The following TSPAN11 variants were observed in gnomAD, a reference collection of about 807,000 sequenced individuals.
TSPAN11 encodes the protein tetraspanin-11.
TSPAN11 carries 29 observed loss-of-function variants against 32.9 expected under a neutral mutation model. The ratio of observed to expected loss-of-function variants is 0.88; its 90% CI spans 0.66 to 1.20. The LOEUF is 1.20. Ranked by LOEUF, TSPAN11 falls within the 50% of genes most tolerant of loss-of-function variation. The pLI is 0.00. For synonymous variants in TSPAN11, 140 were observed against 141.3 expected, an observed-to-expected ratio of 0.99 and a Z score of 0.07; for missense variants, 283 against 329.1, an observed-to-expected ratio of 0.86 and a Z score of 1.08.
At chr12:31,002,276 T>A in the TSPAN11 span, among the ~76,000 whole-genome samples, 1 of 152,038 alleles carries the variant, frequency 6.6e-6, no homozygotes, top group Non-Finnish European at 1.5e-5. The surrounding 1 kb of genome is among the most constrained non-coding windows in gnomAD (Gnocchi z 4.8). Context: ...GCCACCCCCT[T>A]GAGGACAGGA....
At chr12:30,939,417 C>T (rs1218962107) in intron 1 of TSPAN11, among the ~76,000 whole-genome samples, 1 of 152,086 alleles carries the variant, frequency 6.6e-6, no homozygotes, top group East Asian at 1.9e-4. Context: ...TTCTCAAGGC[C>T]ATAAAACACC....
chr12:30,975,227 G>A lies in TSPAN11; in HGVS notation c.277-3334G>A, dbSNP rs149863492. On this transcript the variant is annotated intron_variant, in intron 3 of 7. Transcript: ENST00000546076. This position sits in a 1 kb window ranked among gnomAD's most constrained non-coding sequence, Gnocchi z 4.5. ...GCAGGGTGGAGGGGCAGAGGTGACA[G>A]GTCTGTCAGAGCCCATGACCTCACC... Among the ~76,000 whole-genome samples the A allele has an allele frequency of 3.7e-4, 56 of 152,292 alleles. No individual in the cohort carries two copies. The highest frequency in any genetic ancestry group is 7.5e-4 in the Non-Finnish European group (51 of 68,004).
intron 7 of TSPAN11, among the ~76,000 whole-genome samples, chr12:30,988,305 T>A (rs544292331): frequency 6.6e-6 from 1 of 152,130 alleles, no homozygotes; most frequent in African/African-American, 2.4e-5. Context: ...TTAAATACCA[T>A]TGTGGCCAGG....
At position 30,992,270 on chromosome 12, in the gene TSPAN11, G is replaced by A. The variant is rs116442943; in HGVS notation, c.*355G>A. On this transcript the variant is annotated 3_prime_UTR_variant, in exon 8 of 8. Coordinates refer to ENST00000546076, the MANE Select transcript of TSPAN11 (RefSeq NM_001370302.1). ...CCCAGCTCCTGAACCTGGAACAATCGGCAGAAAACCCAGGAACCCCGGCAC... is the reference window on the plus strand; with the variant it reads ...CCCAGCTCCTGAACCTGGAACAATCAGCAGAAAACCCAGGAACCCCGGCAC... The A allele has an allele frequency of 4.2e-5, 14 of 335,612 alleles. No individual in the cohort carries two copies. The highest frequency in any genetic ancestry group is 5.6e-5 in the Non-Finnish European group (10 of 177,578). 20.8% of individuals were successfully genotyped at this position (335,612 alleles called of 1,614,324 possible). A position where few individuals can be genotyped will look rare whatever the true frequency, so the allele number is the denominator to read the frequency against.
chr12:30,980,661 A>G (rs2140304939), intron 5 of TSPAN11, among the ~76,000 whole-genome samples: 1 of 152,170 alleles, frequency 6.6e-6, no homozygotes, highest in Non-Finnish European at 1.5e-5. Flanking sequence ...ATCAACTGGA[A>G]GGCCCCTCCC....
At chr12:30,938,287 A>G (rs1390489916) in intron 1 of TSPAN11, among the ~76,000 whole-genome samples, 1 of 152,186 alleles carries the variant, frequency 6.6e-6, no homozygotes, top group African/African-American at 2.4e-5. Flanking sequence ...CAGCCCCCCA[A>G]ATGTCTGTCC....
intron 1 of TSPAN11, among the ~76,000 whole-genome samples, chr12:30,933,153 C>A (rs1937968035): frequency 6.6e-6 from 1 of 152,168 alleles, no homozygotes. Context: ...AGCTGCACAT[C>A]CAACCAACAC....
In TSPAN11 at chr12:30,926,806, G is replaced by A; in HGVS notation, c.-12+10G>A. 1.9e-6 allele frequency: 1 copy of A among 515,050 alleles called. No homozygotes were observed. The highest frequency in any genetic ancestry group is 7.4e-4 in the Middle Eastern group (1 of 1,344). 31.9% of individuals were successfully genotyped at this position (515,050 alleles called of 1,614,324 possible). ...CGGAGCCCCTGGCAGGGTAAGTGCAGAAGCGCGCCCGAGGAGTGGGGGCGC... is the reference window on the plus strand; with the variant it reads ...CGGAGCCCCTGGCAGGGTAAGTGCAAAAGCGCGCCCGAGGAGTGGGGGCGC... On this transcript the variant is annotated intron_variant, in intron 1 of 7. Transcript: ENST00000546076.
Position 30,989,307 on chromosome 12 carries a change from T to C in TSPAN11, c.703-2549T>C, listed in dbSNP as rs192581436. Among the ~76,000 whole-genome samples, 399 of 152,216 alleles carry C rather than the reference T, an allele frequency of 2.6e-3. 4 individuals are homozygous for C. Among genetic ancestry groups the C allele is most frequent in the African/African-American group, 9.0e-3 (375 of 41,516 alleles). ...GCTTCCTGGAGGAAGTGATATCTCA[T>C]TAAGTCCTGAAGGAGCCCGATAGGC... On this transcript the variant is annotated intron_variant, in intron 7 of 7. Coordinates refer to ENST00000546076, the MANE Select transcript of TSPAN11 (RefSeq NM_001370302.1).
chr12:30,974,031 A>T (rs1051225239), intron 3 of TSPAN11, among the ~76,000 whole-genome samples: 16 of 152,076 alleles, frequency 1.1e-4, no homozygotes, highest in Non-Finnish European at 1.9e-4. Flanking sequence ...TCCCATGGGG[A>T]TGTGAGCTGA....
At chr12:30,939,404 G>C (rs1226725262) in intron 1 of TSPAN11, among the ~76,000 whole-genome samples, 1 of 152,084 alleles carries the variant, frequency 6.6e-6, no homozygotes, top group Non-Finnish European at 1.5e-5. Context: ...GGCCAGAGGT[G>C]GTTTCTCAAG....
intron 1 of TSPAN11, among the ~76,000 whole-genome samples, chr12:30,932,383 C>T (rs552162912): frequency 1.3e-5 from 2 of 152,128 alleles, no homozygotes. Flanking sequence ...TACACAATTC[C>T]GATTTCATAG....
intron 3 of TSPAN11, among the ~76,000 whole-genome samples, chr12:30,971,718 C>T (rs1381524955): frequency 6.6e-6 from 1 of 151,684 alleles, no homozygotes; most frequent in East Asian, 1.9e-4. Context: ...CCACTGTACT[C>T]CAGCCAGGGT....
chr12:30,941,308 ATAT>A (rs1938159045), intron 1 of TSPAN11, among the ~76,000 whole-genome samples: 1 of 152,232 alleles, frequency 6.6e-6, no homozygotes, highest in African/African-American at 2.4e-5. Flanking sequence ...AATCCCCCGC[ATAT>A]ACTGTGGGAC....
intron 1 of TSPAN11, among the ~76,000 whole-genome samples, chr12:30,952,872 C>G (rs111785942): frequency 6.6e-6 from 1 of 152,168 alleles, no homozygotes; most frequent in African/African-American, 2.4e-5. Flanking sequence ...AAAAGAGGTT[C>G]CCAAAATGGG....
At chr12:30,955,508 G>A (rs761200096) in intron 2 of TSPAN11, among the ~76,000 whole-genome samples, 5 of 152,052 alleles carry the variant, frequency 3.3e-5, no homozygotes, top group African/African-American at 4.8e-5. Flanking sequence ...AAAAAGTATC[G>A]TAAAATAAAA....
chr12:30,946,626 G>A (rs1938273790), intron 1 of TSPAN11, among the ~76,000 whole-genome samples: 1 of 152,202 alleles, frequency 6.6e-6, no homozygotes, highest in South Asian at 2.1e-4. Flanking sequence ...TGGGGATCTG[G>A]GAAGGTGGGG....
intron 7 of TSPAN11, among the ~76,000 whole-genome samples, chr12:30,984,467 G>A (rs527834369): frequency 3.8e-4 from 58 of 151,384 alleles, no homozygotes; most frequent in South Asian, 2.1e-3. Flanking sequence ...GTAGACTTCA[G>A]AGGATTTCTG....
intron 1 of TSPAN11, among the ~76,000 whole-genome samples, chr12:30,938,865 C>T (rs1333772023): frequency 6.6e-6 from 1 of 152,172 alleles, no homozygotes; most frequent in Non-Finnish European, 1.5e-5. Context: ...CCCTGAGAGA[C>T]TTTGACTTTG....
Sources: allele counts gnomAD v4.1 joint callset (sites outside exome capture counted in the v4.1 genomes callset), GRCh38; gene constraint gnomAD v4.1.1; non-coding constraint Gnocchi (gnomAD v3.1); transcripts MANE v1.5; gene names NCBI Gene and HGNC (gene_info 2026-07-23, HGNC 2026-07-21).